SMTNL2: variants seen among roughly 807,000 people sequenced by gnomAD.
SMTNL2 encodes smoothelin-like protein 2.
In SMTNL2, 43 loss-of-function variants were observed where a neutral mutation model predicts 44.1. The observed-to-expected ratio is 0.98, with a 90% confidence interval of 0.76 to 1.26. The LOEUF is 1.26. SMTNL2 is among the 50% of genes most tolerant of loss of function. The probability of loss-of-function intolerance (pLI) is 0.00; values close to 1 mark genes in which losing one functional copy is unlikely to be tolerated. For synonymous variants in SMTNL2, 317 were observed against 287.6 expected (o/e 1.10, Z -1.03); for missense variants, 646 against 670.2 (o/e 0.96, Z 0.40).
At position 4,591,854 on chromosome 17, in the gene SMTNL2, A is replaced by G. The variant is rs34969859; in HGVS notation, c.400-507A>G. ...AGCTGATCAGGCGCTTGCACTCTGCATAGCCGGGTAAATCTTGTGTCCCCG... is the reference window on the plus strand; with the variant it reads ...AGCTGATCAGGCGCTTGCACTCTGCGTAGCCGGGTAAATCTTGTGTCCCCG... On this transcript the variant is annotated intron_variant, in intron 1 of 7. Transcript: ENST00000389313. Among the ~76,000 whole-genome samples the G allele has an allele frequency of 6.3e-3, 953 of 152,332 alleles. 6 individuals are homozygous for G. The highest frequency in any genetic ancestry group is 0.011 in the Non-Finnish European group (735 of 68,020).
Position 4,597,405 on chromosome 17 carries a change from G to A in SMTNL2, c.1259+82G>A, listed in dbSNP as rs77390201. 9.0e-4 allele frequency: 1,403 copies of A among 1,563,618 alleles called. 22 individuals are homozygous for A. In the East Asian group the frequency reaches 0.024, roughly 27 times the overall value. On this transcript the variant is annotated intron_variant, in intron 7 of 7. Transcript: ENST00000389313. The stretch of plus-strand genomic sequence containing the variant: ...TCTTCCCCAGGTGGGGCATGGGGGC[G>A]AGTGGGATGTCGGGCCGCTGTCTGC...
At chr17:4,597,409 G>A (rs765503925) in intron 7 of SMTNL2, 86 bp downstream of exon 7, 141 of 1,552,968 alleles carry the variant, frequency 9.1e-5, no homozygotes, top group Non-Finnish European at 1.2e-4. Context: ...GGGGGCGAGT[G>A]GGATGTCGGG....
chr17:4,602,894 C>G (rs1910106785), intron 7 of SMTNL2, among the ~76,000 whole-genome samples: 1 of 152,078 alleles, frequency 6.6e-6, no homozygotes, highest in African/African-American at 2.4e-5. Flanking sequence ...TCCCTGCTCC[C>G]CTAGGAACCC....
chr17:4,591,973 G>A (rs1406889863), intron 1 of SMTNL2, among the ~76,000 whole-genome samples: 1 of 152,254 alleles, frequency 6.6e-6, no homozygotes, highest in African/African-American at 2.4e-5. Context: ...GCCCCTGCAC[G>A]GGTAGCCATG....
At chr17:4,601,573 G>C (rs1463726776) in intron 7 of SMTNL2, among the ~76,000 whole-genome samples, 1 of 152,116 alleles carries the variant, frequency 6.6e-6, no homozygotes, top group African/African-American at 2.4e-5. Context: ...TCCCAGGCTG[G>C]AATACAGTGG....
intron 1 of SMTNL2, among the ~76,000 whole-genome samples, chr17:4,587,369 G>T (rs1909385174): frequency 6.6e-6 from 1 of 152,250 alleles, no homozygotes; most frequent in Non-Finnish European, 1.5e-5. Context: ...CGTCTCAGGA[G>T]CATTGTCACA....
rs200282407 is a variant in SMTNL2, at chr17:4,593,891, G to A, written c.800G>A (p.Ser267Asn). The A allele has an allele frequency of 6.2e-7, 1 of 1,614,036 alleles. No homozygotes were observed. Residue 267 changes from serine to asparagine, a missense_variant, in exon 4 of 8, where the codon AGC becomes AAC. Transcript: ENST00000389313. ...GYGAVTASKH[S>N]NSPPLVTPPQ... The stretch of plus-strand genomic sequence containing the variant: ...GGGGCAGTGACAGCAAGCAAACACA[G>A]CAATAGGTGAGTCAGGGCCTGTGTT...
chr17:4,597,758 G>T (rs796701425), intron 7 of SMTNL2, among the ~76,000 whole-genome samples: 13 of 152,354 alleles, frequency 8.5e-5, no homozygotes, highest in African/African-American at 3.1e-4. Flanking sequence ...CCACTTAAAA[G>T]GAGATTTTTG....
chr17:4,585,621 T>C (rs11654460), intron 1 of SMTNL2, among the ~76,000 whole-genome samples: 17,981 of 152,266 alleles, frequency 0.12, 1,221 homozygotes, highest in South Asian at 0.18. Flanking sequence ...GGTCAGTGAC[T>C]AGCCAGAGGC....
rs1909270722 is a variant in SMTNL2 at position 4,584,736 on chromosome 17, G to GGCGAGTGGCAGAGGCGAT, written c.135_152dup (p.Val46_Arg51dup). ...CGGGGGCTGCAGCGCGGCGTGGAGCGGCGAGTGGCAGAGGCGATGCGCCTG... is the reference window on the plus strand; with the variant it reads ...CGGGGGCTGCAGCGCGGCGTGGAGCGGCGAGTGGCAGAGGCGATGCGAGTGGCAGAGGCGATGCGCCTG... On this transcript the variant is annotated inframe_insertion, in exon 1 of 8. Transcript: ENST00000389313. 1 of 1,307,754 alleles carries GGCGAGTGGCAGAGGCGAT rather than the reference G, an allele frequency of 7.6e-7. No homozygotes were observed. The highest frequency in any genetic ancestry group is 9.7e-7 in the Non-Finnish European group (1 of 1,032,086). The allele number at this position is 1,307,754 out of a possible 1,614,324, so 81.0% of individuals were successfully genotyped here.
chr17:4,589,644 C>T (rs1424374356), intron 1 of SMTNL2, among the ~76,000 whole-genome samples: 1 of 152,104 alleles, frequency 6.6e-6, no homozygotes, highest in Non-Finnish European at 1.5e-5. Context: ...CCAGTGGTCC[C>T]GCTCTGCAGA....
chr17:4,602,484 A>C (rs1389385913), intron 7 of SMTNL2, among the ~76,000 whole-genome samples: 1 of 151,880 alleles, frequency 6.6e-6, no homozygotes, highest in Non-Finnish European at 1.5e-5. Context: ...CACCATGCCC[A>C]GCTAATTTTT....
intron 1 of SMTNL2, among the ~76,000 whole-genome samples, 171 bp downstream of exon 1, chr17:4,585,175 G>T (rs544392068): frequency 2.0e-5 from 3 of 152,336 alleles, no homozygotes; most frequent in African/African-American, 7.2e-5. Flanking sequence ...TGGAGAGGGC[G>T]GGGGGAGGAC....
rs1030949524 is a variant in SMTNL2 at position 4,596,797 on chromosome 17, A to C, written c.990-63A>C. ...GTGCCAGGACAGCCTCCCCTGCCCCAGACCCGCACTGGGAGATGGCAGCTG... is the reference window on the plus strand; with the variant it reads ...GTGCCAGGACAGCCTCCCCTGCCCCCGACCCGCACTGGGAGATGGCAGCTG... On this transcript the variant is annotated intron_variant, in intron 5 of 7. Transcript: ENST00000389313. 2.8e-5 allele frequency: 38 copies of C among 1,358,678 alleles called. No individual in the cohort carries two copies. The African/African-American group carries it at 4.9e-4, about 18-fold the overall frequency. 84.2% of individuals were successfully genotyped at this position (1,358,678 alleles called of 1,614,324 possible).
chr17:4,607,392 G>A lies in SMTNL2; in HGVS notation c.1291G>A (p.Val431Met). The A allele has an allele frequency of 6.8e-6, 11 of 1,614,204 alleles. No individual in the cohort carries two copies. Among genetic ancestry groups the A allele is most frequent in the Non-Finnish European group, 8.5e-6 (10 of 1,180,040 alleles). ...NLANCERLIE[V>M]EDMMVMGRKP... Reference sequence around the variant, plus strand: ...GGCCAACTGTGAGCGCCTCATCGAAGTGGAGGACATGATGGTGATGGGCCG... The same window carrying A: ...GGCCAACTGTGAGCGCCTCATCGAAATGGAGGACATGATGGTGATGGGCCG... Residue 431 changes from valine to methionine, a missense_variant, in exon 8 of 8, where the codon GTG becomes ATG. Val to Met is a conservative substitution (Grantham distance 21, BLOSUM62 1). Coordinates refer to ENST00000389313, the MANE Select transcript of SMTNL2 (RefSeq NM_001114974.2). The surrounding 1 kb of genome is among the most constrained non-coding windows in gnomAD (Gnocchi z 4.7).
chr17:4,587,237 T>C (rs1436330595), intron 1 of SMTNL2, among the ~76,000 whole-genome samples: 2 of 152,088 alleles, frequency 1.3e-5, no homozygotes, highest in Non-Finnish European at 2.9e-5. Flanking sequence ...GGGTGGAACA[T>C]GGCTATGGTC....
At chr17:4,597,054 T>C in intron 6 of SMTNL2, 77 bp downstream of exon 6, 10 of 1,491,470 alleles carry the variant, frequency 6.7e-6, no homozygotes, top group Non-Finnish European at 9.0e-6. Flanking sequence ...GTCCTTGTTC[T>C]CCCGCCTGGG....
intron 7 of SMTNL2, among the ~76,000 whole-genome samples, chr17:4,605,677 A>C (rs1409470923): frequency 6.6e-6 from 1 of 151,948 alleles, no homozygotes; most frequent in Non-Finnish European, 1.5e-5. Flanking sequence ...TATTGATGGG[A>C]AAAAAAATAG....
chr17:4,584,281 A>G (rs982932838), upstream of SMTNL2, among the ~76,000 whole-genome samples: 1 of 152,146 alleles, frequency 6.6e-6, no homozygotes, highest in African/African-American at 2.4e-5. Flanking sequence ...TCTACGGTCC[A>G]GGGGGGCCAG....
Sources: gnomAD v4.1 joint callset for allele counts (sites outside exome capture counted in the v4.1 genomes callset) on GRCh38, gnomAD v4.1.1 for gene constraint, Gnocchi (gnomAD v3.1) non-coding constraint, MANE v1.5 for transcripts, NCBI Gene and HGNC (gene_info 2026-07-23, HGNC 2026-07-21) for gene names.